The following ASTN1 variants were observed in gnomAD, a reference collection of about 807,000 sequenced individuals.
The protein encoded by ASTN1 is astrotactin 1.
ASTN1 carries 41 observed loss-of-function variants against 140.7 expected under a neutral mutation model. That is an observed-to-expected ratio of 0.29 (90% CI 0.23 to 0.38). ASTN1 has a LOEUF of 0.38. Among genes scored for constraint, ASTN1 ranks in the 10% least tolerant of loss-of-function variants. The pLI is 1.00. For synonymous variants in ASTN1, 640 were observed against 652.2 expected (o/e 0.98, Z 0.29); for missense variants, 1,479 against 1,678.8 (o/e 0.88, Z 2.08).
intron 16 of ASTN1, among the ~76,000 whole-genome samples, chr1:176,924,836 C>T (rs540327910): frequency 2.0e-5 from 3 of 152,080 alleles, no homozygotes; most frequent in Non-Finnish European, 4.4e-5. Flanking sequence ...AGAATTTTCC[C>T]ATCAACCAAA....
At chr1:177,117,520 C>A (rs191729685) in intron 1 of ASTN1, among the ~76,000 whole-genome samples, 2 of 152,138 alleles carry the variant, frequency 1.3e-5, no homozygotes, top group East Asian at 1.9e-4. Context: ...CCTGACCTAG[C>A]GGAACTTAAG....
chr1:176,893,425 T>C (rs1669354277), intron 17 of ASTN1, among the ~76,000 whole-genome samples: 1 of 152,224 alleles, frequency 6.6e-6, no homozygotes, highest in Non-Finnish European at 1.5e-5. Context: ...CCTCTTCCTG[T>C]AGCCACCTTT....
intron 8 of ASTN1, among the ~76,000 whole-genome samples, chr1:177,013,262 C>T (rs904607997): frequency 3.3e-5 from 5 of 152,128 alleles, no homozygotes; most frequent in Non-Finnish European, 5.9e-5. Context: ...AATTTCATGG[C>T]GTTTTGACTT....
chr1:176,998,379 T>C (rs228010), intron 8 of ASTN1, among the ~76,000 whole-genome samples: 4,148 of 152,272 alleles, frequency 0.027, 177 homozygotes, highest in African/African-American at 0.091. Flanking sequence ...GCTTATGGTA[T>C]ATTCATCTCC....
chr1:176,945,121 A>G (rs1671896783), intron 13 of ASTN1, among the ~76,000 whole-genome samples: 1 of 152,188 alleles, frequency 6.6e-6, no homozygotes, highest in South Asian at 2.1e-4. Flanking sequence ...AGTCCAAGGC[A>G]GAACAGGGAC....
At chr1:176,921,904 T>A (rs1670740240) in intron 16 of ASTN1, among the ~76,000 whole-genome samples, 1 of 152,152 alleles carries the variant, frequency 6.6e-6, no homozygotes, top group African/African-American at 2.4e-5. Flanking sequence ...CAATATGCTA[T>A]CATTTCTAGG....
At chr1:176,917,555 T>C (rs1190889203) in intron 16 of ASTN1, among the ~76,000 whole-genome samples, 1 of 152,164 alleles carries the variant, frequency 6.6e-6, no homozygotes, top group Admixed American at 6.5e-5. Flanking sequence ...TCCTGGTTTT[T>C]AGCAGAAGGG....
intron 8 of ASTN1, among the ~76,000 whole-genome samples, chr1:176,987,561 C>A (rs531203503): frequency 7.9e-5 from 12 of 152,296 alleles, no homozygotes; most frequent in African/African-American, 2.9e-4. Flanking sequence ...TATTTCTACC[C>A]TCACCCTCTC....
At chr1:177,109,433 C>T (rs1172986065) in intron 1 of ASTN1, among the ~76,000 whole-genome samples, 5 of 152,088 alleles carry the variant, frequency 3.3e-5, no homozygotes, top group Non-Finnish European at 7.4e-5. Context: ...CACACACACA[C>T]ACATACAGAG....
chr1:177,151,799 A>T (rs1434058132), intron 1 of ASTN1, among the ~76,000 whole-genome samples: 1 of 152,176 alleles, frequency 6.6e-6, no homozygotes, highest in South Asian at 2.1e-4. Context: ...CATAAATTTT[A>T]TACTCAATTA....
intron 16 of ASTN1, among the ~76,000 whole-genome samples, chr1:176,900,452 TTC>T (rs142309530): frequency 4.5e-4 from 67 of 149,346 alleles, no homozygotes; most frequent in Admixed American, 8.7e-4. Flanking sequence ...GCTGGTGTGT[TTC>T]TCTCTCTCTC....
chr1:176,930,949 A>T (rs1275058681), intron 16 of ASTN1, among the ~76,000 whole-genome samples: 1 of 152,140 alleles, frequency 6.6e-6, no homozygotes, highest in Non-Finnish European at 1.5e-5. Flanking sequence ...GGTTGTGAAG[A>T]TTAAAATGGA....
At position 176,864,153 on chromosome 1, in the gene ASTN1, C is replaced by T; in HGVS notation, c.*131G>A. 3 of 1,497,526 alleles carry T rather than the reference C, an allele frequency of 2.0e-6. No homozygotes were observed. The highest frequency in any genetic ancestry group is 2.7e-6 in the Non-Finnish European group (3 of 1,131,558). 92.8% of individuals were successfully genotyped at this position (1,497,526 alleles called of 1,614,324 possible). On this transcript the variant is annotated 3_prime_UTR_variant, in exon 23 of 23. Coordinates refer to ENST00000361833, the MANE Select transcript of ASTN1 (RefSeq NM_004319.3). ...TTCTGCAGGGAGCAAGGATCACTTT[C>T]TCCCTGGTTTCGATGTTGCTGTGGA...
chr1:177,080,516 A>G (rs1679129255), intron 1 of ASTN1, among the ~76,000 whole-genome samples: 1 of 152,226 alleles, frequency 6.6e-6, no homozygotes, highest in Admixed American at 6.5e-5. Context: ...GTTAACTGAT[A>G]AGGAAAGTCT....
intron 1 of ASTN1, among the ~76,000 whole-genome samples, chr1:177,143,875 GC>G (rs1259346488): frequency 6.6e-6 from 1 of 151,910 alleles, no homozygotes; most frequent in Admixed American, 6.6e-5. Context: ...ACTACAATTG[GC>G]AAAATGACAA....
chr1:176,912,089 G>T (rs1670266171), intron 16 of ASTN1, among the ~76,000 whole-genome samples: 1 of 152,154 alleles, frequency 6.6e-6, no homozygotes, highest in Admixed American at 6.6e-5. Context: ...ATCAAATAAG[G>T]ACCAGATTAT....
At chr1:176,866,412 C>T (rs1398079746) in intron 22 of ASTN1, among the ~76,000 whole-genome samples, 1 of 152,114 alleles carries the variant, frequency 6.6e-6, no homozygotes, top group African/African-American at 2.4e-5. Context: ...TTTGGCCAAG[C>T]AGGTTTTCCA....
chr1:176,926,976 C>T (rs1212168745), intron 16 of ASTN1, among the ~76,000 whole-genome samples: 1 of 152,178 alleles, frequency 6.6e-6, no homozygotes, highest in Non-Finnish European at 1.5e-5. Context: ...TGTTTACTAT[C>T]CTGGGAGAGG....
chr1:177,021,814 C>T (rs1286639682), intron 7 of ASTN1, among the ~76,000 whole-genome samples: 1 of 152,198 alleles, frequency 6.6e-6, no homozygotes, highest in Admixed American at 6.5e-5. Flanking sequence ...TCCTTCCAAT[C>T]CAAGCCAGCT....
Sources: gnomAD v4.1 joint callset for allele counts (sites outside exome capture counted in the v4.1 genomes callset) on GRCh38, gnomAD v4.1.1 for gene constraint, MANE v1.5 for transcripts, NCBI Gene and HGNC (gene_info 2026-07-23, HGNC 2026-07-21) for gene names.